The following SNX29 variants were observed in gnomAD, a reference collection of about 807,000 sequenced individuals.
SNX29 encodes the protein sorting nexin-29.
In SNX29, 78 loss-of-function variants were observed where a neutral mutation model predicts 102.1. The observed-to-expected ratio is 0.76, with a 90% CI of 0.64 to 0.92. The LOEUF is 0.92. Among genes scored for constraint, SNX29 ranks in the 40% least tolerant of loss-of-function variants. The pLI is 0.00. For synonymous variants in SNX29, 580 were observed against 414.5 expected, an observed-to-expected ratio of 1.40 and a Z score of -4.85; for missense variants, 1,280 against 1,061.7, an observed-to-expected ratio of 1.21 and a Z score of -2.86.
chr16:12,448,118 C>G (rs1257903988), intron 18 of SNX29, among the ~76,000 whole-genome samples: 1 of 152,194 alleles, frequency 6.6e-6, no homozygotes, highest in Non-Finnish European at 1.5e-5. Context: ...TATTATCTCC[C>G]CATTTATGGA....
chr16:12,078,050 C>T (rs1012184180), intron 10 of SNX29, among the ~76,000 whole-genome samples: 1 of 152,198 alleles, frequency 6.6e-6, no homozygotes, highest in Non-Finnish European at 1.5e-5. Context: ...GCACTGTAAG[C>T]CATGCCTGAA....
chr16:12,287,403 A>G (rs1422095427), intron 15 of SNX29, among the ~76,000 whole-genome samples: 1 of 152,144 alleles, frequency 6.6e-6, no homozygotes, highest in Non-Finnish European at 1.5e-5. Flanking sequence ...TTTAACTGGT[A>G]AAAAGTAGGC....
intron 19 of SNX29, among the ~76,000 whole-genome samples, chr16:12,519,417 T>C (rs1484237266): frequency 2.0e-5 from 3 of 152,206 alleles, no homozygotes; most frequent in Admixed American, 6.5e-5. Context: ...ATTTGAAAAC[T>C]CAAACGTTTA....
chr16:12,548,408 A>C (rs532568774), intron 20 of SNX29, among the ~76,000 whole-genome samples: 2 of 151,808 alleles, frequency 1.3e-5, no homozygotes, highest in East Asian at 3.9e-4. Flanking sequence ...TTTGTAACCT[A>C]CCTCTGGCTC....
intron 15 of SNX29, among the ~76,000 whole-genome samples, chr16:12,347,723 C>G (rs2081857388): frequency 1.3e-5 from 2 of 152,066 alleles, no homozygotes; most frequent in Admixed American, 6.5e-5. Context: ...TCTTTCATCC[C>G]TTTGTACCTC....
chr16:12,033,520 C>T (rs2057397405), intron 4 of SNX29, among the ~76,000 whole-genome samples: 1 of 152,146 alleles, frequency 6.6e-6, no homozygotes, highest in African/African-American at 2.4e-5. Context: ...TCATGAGCTC[C>T]CTACATGGTT....
At chr16:12,418,522 C>CT (rs35098603) in intron 18 of SNX29, among the ~76,000 whole-genome samples, 97 of 148,288 alleles carry the variant, frequency 6.5e-4, no homozygotes, top group Middle Eastern at 3.4e-3. Flanking sequence ...GTTTTCTTTT[C>CT]TTTTTTTTTT....
At chr16:12,278,868 A>T (rs2151017096) in intron 15 of SNX29, among the ~76,000 whole-genome samples, 1 of 152,350 alleles carries the variant, frequency 6.6e-6, no homozygotes, top group East Asian at 1.9e-4. Flanking sequence ...CATCCATGTA[A>T]GTCATCTCAT....
chr16:12,107,084 C>A (rs1270915972), intron 11 of SNX29, among the ~76,000 whole-genome samples: 2 of 152,242 alleles, frequency 1.3e-5, no homozygotes, highest in Non-Finnish European at 2.9e-5. Context: ...TCCCAGAGTG[C>A]TGGGATTCCA....
At chr16:12,481,973 T>C (rs576567617) in intron 19 of SNX29, among the ~76,000 whole-genome samples, 2 of 152,324 alleles carry the variant, frequency 1.3e-5, no homozygotes, top group South Asian at 4.1e-4. Flanking sequence ...CAAAGGAGGA[T>C]TGAGTCAAGA....
intron 19 of SNX29, among the ~76,000 whole-genome samples, chr16:12,516,217 C>T (rs546075611): frequency 6.6e-6 from 1 of 152,298 alleles, no homozygotes; most frequent in South Asian, 2.1e-4. Context: ...TGGTGGCTCA[C>T]ACCTGTGATC....
chr16:12,292,881 T>A (rs2079847542), intron 15 of SNX29, among the ~76,000 whole-genome samples: 1 of 152,242 alleles, frequency 6.6e-6, no homozygotes, highest in Non-Finnish European at 1.5e-5. Context: ...TCAGAGATTT[T>A]ACTAACCTTG....
intron 20 of SNX29, among the ~76,000 whole-genome samples, chr16:12,558,704 C>T (rs1185532090): frequency 2.6e-5 from 4 of 152,258 alleles, no homozygotes; most frequent in Middle Eastern, 3.4e-3. Flanking sequence ...ACCCCCATCC[C>T]GTTTCTACGG....
intron 9 of SNX29, among the ~76,000 whole-genome samples, chr16:12,063,046 A>G (rs1247375581): frequency 6.6e-6 from 1 of 152,196 alleles, no homozygotes; most frequent in Non-Finnish European, 1.5e-5. Flanking sequence ...TGCAAAGCCA[A>G]AGGAGCCCTG....
intron 14 of SNX29, among the ~76,000 whole-genome samples, chr16:12,256,226 T>C (rs1339135497): frequency 6.6e-6 from 1 of 152,236 alleles, no homozygotes; most frequent in Non-Finnish European, 1.5e-5. Context: ...GGTTATATTT[T>C]CCTGCTATTG....
intron 14 of SNX29, among the ~76,000 whole-genome samples, chr16:12,263,463 G>T (rs149522189): frequency 3.4e-4 from 52 of 152,240 alleles, no homozygotes; most frequent in African/African-American, 1.1e-3. Flanking sequence ...CCCGATGAGA[G>T]AGAATGAGCT....
At chr16:12,089,920 G>T in intron 11 of SNX29, 1 of 292,886 alleles carries the variant, frequency 3.4e-6, no homozygotes. Context: ...AGGGAGTCCT[G>T]AGTTGACTTA....
intron 11 of SNX29, among the ~76,000 whole-genome samples, chr16:12,084,464 C>A (rs1479374075): frequency 1.3e-5 from 2 of 152,208 alleles, no homozygotes; most frequent in African/African-American, 4.8e-5. Flanking sequence ...AACTAAAACA[C>A]CCATAATTCT....
chr16:12,561,999 C>T (rs12929849), intron 20 of SNX29, among the ~76,000 whole-genome samples: 37,133 of 151,982 alleles, frequency 0.24, 4,866 homozygotes, highest in East Asian at 0.44. Context: ...GACAATGGAC[C>T]CTGCAACCCA....
Sources: gnomAD v4.1 joint callset for allele counts (sites outside exome capture counted in the v4.1 genomes callset) on GRCh38, gnomAD v4.1.1 for gene constraint, MANE v1.5 for transcripts, NCBI Gene and HGNC (gene_info 2026-07-23, HGNC 2026-07-21) for gene names.